The following ACACB variants were observed in gnomAD, a reference collection of about 807,000 sequenced individuals.
ACACB encodes acetyl-CoA carboxylase beta.
In ACACB, 209 loss-of-function variants were observed where a neutral mutation model predicts 278.8. That is an observed-to-expected ratio of 0.75 (90% CI 0.67 to 0.84). The LOEUF (loss-of-function observed/expected upper bound fraction) is 0.84. ACACB is among the 40% of genes least tolerant of loss of function. The probability of loss-of-function intolerance (pLI) is 0.00; values close to 1 mark genes in which losing one functional copy is unlikely to be tolerated. For synonymous variants in ACACB, 1,174 were observed against 1,285.6 expected (o/e 0.91, Z 1.86); for missense variants, 2,850 against 3,269.0 (o/e 0.87, Z 3.13).
chr12:109,253,169 C>T lies in ACACB; in HGVS notation c.6045+11C>T. ...TCCTATATGCCAAAGGTGCAGTACT[C>T]CCCCTGCAGCTTAGAACCTGGAAGA... On this transcript the variant is annotated intron_variant, in intron 43 of 52. Transcript: ENST00000338432. The T allele has an allele frequency of 6.5e-7, 1 of 1,538,106 alleles. No homozygotes were observed. Among genetic ancestry groups the T allele is most frequent in the Non-Finnish European group, 8.8e-7 (1 of 1,135,566 alleles).
At position 109,191,634 on chromosome 12, in the gene ACACB, G is replaced by A; in HGVS notation, c.2166G>A (p.Lys722=). ...CAAGGAACATGGTGGTGGCTTTGAA[G>A]GAACTGTCCATCCGAGGCGACTTTA... ...EAISNMVVAL[K]ELSIRGDFRT... The change falls in exon 14 of 53, where the codon AAG becomes AAA. Residue 722 remains lysine, a synonymous_variant. Transcript: ENST00000338432. The A allele has an allele frequency of 1.2e-6, 2 of 1,614,166 alleles. No homozygotes were observed. The highest frequency in any genetic ancestry group is 2.7e-5 in the African/African-American group (2 of 75,054).
At chr12:109,134,015 C>G (rs1348861204) in intron 1 of ACACB, among the ~76,000 whole-genome samples, 2 of 150,684 alleles carry the variant, frequency 1.3e-5, no homozygotes, top group Admixed American at 1.3e-4. Context: ...ATGTCCCAGG[C>G]TCAAGTGAGC....
In ACACB at chr12:109,166,672, AAAAAAC is replaced by A. The variant is rs1213659927; in HGVS notation, c.654-188_654-183del. ...CTCAAAAAAAAAAAAAAAAAAAAAA[AAAAAAC>A]CGAAGGTGCTTCCTGCCCTTGAGCC... On this transcript the variant is annotated intron_variant, in intron 2 of 52. Transcript: ENST00000338432. Among the ~76,000 whole-genome samples, 91 of 133,864 alleles carry A rather than the reference AAAAAAC, an allele frequency of 6.8e-4. 12 individuals carry two copies. Among genetic ancestry groups the A allele is most frequent in the South Asian group, 1.5e-3 (6 of 4,118 alleles). 87.8% of individuals were successfully genotyped at this position (133,864 alleles called of 152,430 possible).
At chr12:109,221,448 A>C (rs2046157548) in intron 24 of ACACB, among the ~76,000 whole-genome samples, 1 of 152,172 alleles carries the variant, frequency 6.6e-6, no homozygotes, top group Non-Finnish European at 1.5e-5. Context: ...ATATGCACTT[A>C]GGGCATAAGA....
chr12:109,128,263 C>G (rs1030559453), intron 1 of ACACB, among the ~76,000 whole-genome samples: 1 of 152,200 alleles, frequency 6.6e-6, no homozygotes, highest in Admixed American at 6.5e-5. Context: ...ATTCTCCTGC[C>G]TCAGCCTCCC....
intron 40 of ACACB, chr12:109,249,437 A>T (rs1212092764): frequency 1.3e-5 from 2 of 152,198 alleles, no homozygotes. Flanking sequence ...TCCTTTTGGC[A>T]TTGTGAATCG....
chr12:109,193,664 G>C lies in ACACB; in HGVS notation c.2416G>C (p.Ala806Pro). The C allele has an allele frequency of 6.2e-7, 1 of 1,613,910 alleles. No homozygotes were observed. Among genetic ancestry groups the C allele is most frequent in the East Asian group, 2.2e-5 (1 of 44,880 alleles). ...TTCTTTCAGGGGCCAGGTCCTCCCA[G>C]CGGATTCACTACTGAACCTCGTAGA... ...HSLERGQVLP[A>P]DSLLNLVDVE... The change falls in exon 16 of 53, where the codon GCG becomes CCG. Residue 806 changes from alanine (A) to proline (P), a missense_variant. Coordinates refer to ENST00000338432, the MANE Select transcript of ACACB (RefSeq NM_001093.4).
chr12:109,216,243 A>T, intron 22 of ACACB, among the ~76,000 whole-genome samples: 3 of 122,416 alleles, frequency 2.5e-5, no homozygotes, highest in African/African-American at 6.3e-5. Context: ...TTTTTTTGAG[A>T]CGGAGTCTTG....
At chr12:109,159,397 G>T (rs751714960) in intron 2 of ACACB, among the ~76,000 whole-genome samples, 6 of 152,256 alleles carry the variant, frequency 3.9e-5, no homozygotes, top group Non-Finnish European at 8.8e-5. Flanking sequence ...TAATGGCCCA[G>T]CCTGGGCTCC....
intron 8 of ACACB, 39 bp downstream of exon 8, chr12:109,176,079 C>G (rs774494165): frequency 8.1e-6 from 13 of 1,610,644 alleles, no homozygotes; most frequent in African/African-American, 4.0e-5. Context: ...GAGCCAGAAC[C>G]GAACTGCCTC....
In ACACB at chr12:109,267,079, C is replaced by T. The variant is rs140339769; in HGVS notation, c.*717C>T. The T allele has an allele frequency of 1.4e-4, 22 of 152,018 alleles. No homozygotes were observed. Among genetic ancestry groups the T allele is most frequent in the African/African-American group, 5.3e-4 (22 of 41,476 alleles). The allele number at this position is 152,018 out of a possible 1,614,324, so 9.4% of individuals were successfully genotyped here. A position where few individuals can be genotyped will look rare whatever the true frequency, so the allele number is the denominator to read the frequency against. ...TATTTTTGGTAGAGACAGAGTTTCA[C>T]CAGGTTGGTCAGGCTGGTCTCAAAC... On this transcript the variant is annotated 3_prime_UTR_variant, in exon 53 of 53. Coordinates refer to ENST00000338432, the MANE Select transcript of ACACB (RefSeq NM_001093.4).
In ACACB at chr12:109,265,267, A is replaced by AG. The variant is rs2047485041; in HGVS notation, c.7105dup (p.Ala2369GlyfsTer33). On this transcript the variant is annotated frameshift_variant, in exon 51 of 53. Coordinates refer to ENST00000338432, the MANE Select transcript of ACACB (RefSeq NM_001093.4). LOFTEE classifies it high-confidence loss of function. Reference sequence around the variant, plus strand: ...CTGCGTCGCTGGTTCGTGGAGACGGAGGGGGCTGTCAAGGTGGGCCTGGGG... The same window carrying AG: ...CTGCGTCGCTGGTTCGTGGAGACGGAGGGGGGCTGTCAAGGTGGGCCTGGGG... 2.5e-6 allele frequency: 4 copies of AG among 1,612,886 alleles called. No homozygotes were observed. The highest frequency in any genetic ancestry group is 4.5e-5 in the East Asian group (2 of 44,860).
rs112215518 is a variant in ACACB at position 109,216,566 on chromosome 12, AG to A, written c.3351-50del. 1.2e-3 allele frequency: 1,771 copies of A among 1,529,640 alleles called. 17 individuals are homozygous for A. The African/African-American group carries it at 0.022, about 19-fold the overall frequency. The allele number at this position is 1,529,640 out of a possible 1,614,324, so 94.8% of individuals were successfully genotyped here. ...TCATAAAAAAAAATACTAAATATTCAGGTACTCAAGGAAGGGTGTGAGCATT... is the reference window on the plus strand; with the variant it reads ...TCATAAAAAAAAATACTAAATATTCAGTACTCAAGGAAGGGTGTGAGCATT... On this transcript the variant is annotated intron_variant, in intron 22 of 52. Transcript: ENST00000338432.
chr12:109,148,822 ATG>A (rs1297394484), intron 2 of ACACB, among the ~76,000 whole-genome samples: 1 of 152,092 alleles, frequency 6.6e-6, no homozygotes, highest in Non-Finnish European at 1.5e-5. Flanking sequence ...ATGTGTTTGT[ATG>A]TGTGTGTCTT....
upstream of ACACB, chr12:109,113,203 C>T (rs776063600): frequency 5.3e-5 from 8 of 152,250 alleles, no homozygotes; most frequent in Non-Finnish European, 8.8e-5. Context: ...TGGGTCAGCC[C>T]AGGAAAGAAG....
chr12:109,234,191 A>G (rs2136617158), intron 31 of ACACB, 146 bp downstream of exon 31: 3 of 675,730 alleles, frequency 4.4e-6, no homozygotes, highest in Admixed American at 5.0e-5. Flanking sequence ...TGCTCGCCTC[A>G]TAGCTGGCGA....
At chr12:109,210,043 G>A (rs1382690587) in intron 21 of ACACB, among the ~76,000 whole-genome samples, 3 of 83,836 alleles carry the variant, frequency 3.6e-5, no homozygotes, top group Admixed American at 1.1e-4. Flanking sequence ...GTGTATATGT[G>A]TATATATACA....
chr12:109,178,670 A>T (rs1322259600), intron 9 of ACACB, among the ~76,000 whole-genome samples: 1 of 152,236 alleles, frequency 6.6e-6, no homozygotes. Flanking sequence ...AGGCAGATTT[A>T]TTGGAGGAAG....
intron 20 of ACACB, 135 bp from the exon 21 acceptor site, chr12:109,209,030 G>C (rs990132161): frequency 4.5e-5 from 44 of 971,460 alleles, no homozygotes; most frequent in Non-Finnish European, 6.2e-5. Context: ...TGCCCCAGAG[G>C]CTGCTGGGTC....
Sources: gnomAD v4.1 joint callset for allele counts (sites outside exome capture counted in the v4.1 genomes callset) on GRCh38, gnomAD v4.1.1 for gene constraint, MANE v1.5 for transcripts, NCBI Gene and HGNC (gene_info 2026-07-23, HGNC 2026-07-21) for gene names.